The following GALNT13 variants were observed in gnomAD, a reference collection of about 807,000 sequenced individuals.
GALNT13 encodes the protein polypeptide N-acetylgalactosaminyltransferase 13, also known as UDP-GalNAc:polypeptide N-acetylgalactosaminyltransferase 13.
Under a neutral mutation model 64.2 loss-of-function variants are expected in GALNT13, and 28 were observed. The observed-to-expected ratio is 0.44, with a 90% confidence interval of 0.32 to 0.60. The LOEUF is 0.60. Among genes scored for constraint, GALNT13 ranks in the 20% least tolerant of loss-of-function variants. GALNT13 has a pLI of 0.05. For synonymous variants in GALNT13, 214 were observed against 224.6 expected (o/e 0.95, Z 0.42); for missense variants, 577 against 669.8 (o/e 0.86, Z 1.53).
chr2:154,016,740 G>A (rs1287848347), intron 3 of GALNT13, among the ~76,000 whole-genome samples: 2 of 152,148 alleles, frequency 1.3e-5, no homozygotes, highest in Non-Finnish European at 2.9e-5. Flanking sequence ...AACAAATCAA[G>A]CCAACAGGAT....
At chr2:153,181,646 T>C in the GALNT13 span, among the ~76,000 whole-genome samples, 1 of 146,436 alleles carries the variant, frequency 6.8e-6, no homozygotes, top group Non-Finnish European at 1.5e-5. Context: ...TATAATTATA[T>C]TATATATTAA....
intron 3 of GALNT13, among the ~76,000 whole-genome samples, chr2:153,971,903 T>C (rs1693767165): frequency 6.6e-6 from 1 of 152,040 alleles, no homozygotes; most frequent in Non-Finnish European, 1.5e-5. Context: ...TAGTCAAGGA[T>C]TGAGATGAGA....
the GALNT13 span, among the ~76,000 whole-genome samples, chr2:153,672,677 G>A: frequency 6.6e-6 from 1 of 151,480 alleles, no homozygotes; most frequent in Non-Finnish European, 1.5e-5. Context: ...TCAACAGCTA[G>A]CAGAAGACAA....
At chr2:154,449,176 A>G (rs998377599) in intron 12 of GALNT13, among the ~76,000 whole-genome samples, 12 of 151,946 alleles carry the variant, frequency 7.9e-5, no homozygotes, top group African/African-American at 1.4e-4. Flanking sequence ...GAGCAACAAC[A>G]AAGGTCTCAA....
At chr2:154,171,561 T>G (rs1685349931) in intron 4 of GALNT13, among the ~76,000 whole-genome samples, 1 of 152,096 alleles carries the variant, frequency 6.6e-6, no homozygotes, top group South Asian at 2.1e-4. Flanking sequence ...AGTTAATAAC[T>G]GGAAGAGACA....
intron 4 of GALNT13, among the ~76,000 whole-genome samples, chr2:154,173,775 T>C (rs528840938): frequency 6.6e-6 from 1 of 152,198 alleles, no homozygotes; most frequent in South Asian, 2.1e-4. Flanking sequence ...CTCAAGTATA[T>C]GAAAAAATGT....
At chr2:153,587,452 C>T in the GALNT13 span, among the ~76,000 whole-genome samples, 1 of 152,078 alleles carries the variant, frequency 6.6e-6, no homozygotes, top group Non-Finnish European at 1.5e-5. Context: ...ATGGCTGGAG[C>T]AGCCTCACAA....
At chr2:153,522,849 T>C in the GALNT13 span, among the ~76,000 whole-genome samples, 6 of 152,170 alleles carry the variant, frequency 3.9e-5, no homozygotes, top group African/African-American at 9.7e-5. Flanking sequence ...CAAAAGTTTG[T>C]AGTTTTAATG....
intron 3 of GALNT13, among the ~76,000 whole-genome samples, chr2:153,951,995 G>GT (rs1692220376): frequency 1.3e-5 from 2 of 152,000 alleles, no homozygotes; most frequent in African/African-American, 4.8e-5. Context: ...TTGTTTTTCT[G>GT]TTTTTTAAAG....
At chr2:153,639,870 A>T in the GALNT13 span, among the ~76,000 whole-genome samples, 1 of 152,164 alleles carries the variant, frequency 6.6e-6, no homozygotes, top group Non-Finnish European at 1.5e-5. Flanking sequence ...AGAAAAGTTT[A>T]TGTAGAAGGC....
the GALNT13 span, among the ~76,000 whole-genome samples, chr2:153,345,664 T>TTTCTTTCG: frequency 7.0e-6 from 1 of 142,460 alleles, no homozygotes; most frequent in Non-Finnish European, 1.5e-5. Flanking sequence ...TCTTTCTTTC[T>TTTCTTTCG]TTCTTTCTTT....
At chr2:154,170,063 T>A (rs780280464) in intron 4 of GALNT13, among the ~76,000 whole-genome samples, 1 of 152,212 alleles carries the variant, frequency 6.6e-6, no homozygotes, top group East Asian at 1.9e-4. Flanking sequence ...ACCAGCTTAG[T>A]TGAGTCATAG....
chr2:153,653,357 C>T, the GALNT13 span, among the ~76,000 whole-genome samples: 1 of 152,140 alleles, frequency 6.6e-6, no homozygotes, highest in Non-Finnish European at 1.5e-5. Context: ...GCGAGACCTT[C>T]ATAAACCTTT....
chr2:154,267,283 C>T (rs1334877192), intron 8 of GALNT13, among the ~76,000 whole-genome samples: 11 of 152,108 alleles, frequency 7.2e-5, no homozygotes, highest in Admixed American at 7.2e-4. Flanking sequence ...TTAGATATGA[C>T]ACCAAAAGTA....
At chr2:153,251,302 G>A in the GALNT13 span, among the ~76,000 whole-genome samples, 3 of 152,156 alleles carry the variant, frequency 2.0e-5, no homozygotes, top group South Asian at 6.2e-4. Flanking sequence ...TTAAATTATT[G>A]TGTGCTACAG....
At chr2:153,809,828 C>T in the GALNT13 span, among the ~76,000 whole-genome samples, 7 of 152,154 alleles carry the variant, frequency 4.6e-5, no homozygotes, top group Non-Finnish European at 1.0e-4. Flanking sequence ...CTTACATACT[C>T]GATCCCATCT....
At chr2:153,346,856 A>G in the GALNT13 span, among the ~76,000 whole-genome samples, 5 of 152,198 alleles carry the variant, frequency 3.3e-5, no homozygotes, top group Admixed American at 1.3e-4. Flanking sequence ...CATAGGTGTC[A>G]TTATAATTCC....
At chr2:154,088,673 G>A (rs1313063734) in intron 3 of GALNT13, among the ~76,000 whole-genome samples, 2 of 152,024 alleles carry the variant, frequency 1.3e-5, no homozygotes, top group Non-Finnish European at 2.9e-5. Flanking sequence ...TGCTGGTCTC[G>A]AACTCCTGAC....
chr2:153,757,766 C>G, the GALNT13 span, among the ~76,000 whole-genome samples: 50 of 152,224 alleles, frequency 3.3e-4, no homozygotes, highest in South Asian at 0.01. Context: ...TATCTGTCGG[C>G]CATTTGAATG....
Sources: allele counts gnomAD v4.1 joint callset (sites outside exome capture counted in the v4.1 genomes callset), GRCh38; gene constraint gnomAD v4.1.1; transcripts MANE v1.5; gene names NCBI Gene and HGNC (gene_info 2026-07-23, HGNC 2026-07-21).